The following RARB variants were observed in gnomAD, a reference collection of about 807,000 sequenced individuals.
The protein encoded by RARB is HBV-activated protein.
Under a neutral mutation model 51.9 loss-of-function variants are expected in RARB, and 17 were observed. The observed-to-expected ratio is 0.33, with a 90% CI of 0.22 to 0.49. RARB has a LOEUF of 0.49. Ranked by LOEUF, RARB falls within the 20% of genes least tolerant of loss-of-function variation. The pLI, the probability that RARB is intolerant of heterozygous loss-of-function variation, is 0.99. For missense variants in RARB, 369 were observed against 550.8 expected (o/e 0.67, Z 3.30); for synonymous variants, 215 against 195.4 (o/e 1.10, Z -0.84).
chr3:25,462,722 C>A (rs149100412), intron 2 of RARB, among the ~76,000 whole-genome samples: 4 of 152,330 alleles, frequency 2.6e-5, no homozygotes, highest in African/African-American at 7.2e-5. Context: ...CACCATGTAT[C>A]TCTGGGCAGT....
At position 25,126,901 on chromosome 3, in the gene RARB, C is replaced by T. The variant is rs551136879; in HGVS notation, c.-327-5260C>T. The stretch of plus-strand genomic sequence containing the variant: ...AGGCAAGGTAAAACCTTTAGTCATC[C>T]TTGATATTCCCTCTCCTTCACACAC... On this transcript the variant is annotated intron_variant, in intron 3 of 11. Coordinates refer to the RARB transcript ENST00000383772. Among the ~76,000 whole-genome samples the T allele has an allele frequency of 3.3e-5, 5 of 152,216 alleles. 1 individual carries two copies. Among genetic ancestry groups the T allele is most frequent in the African/African-American group, 1.2e-4 (5 of 41,562 alleles).
intron 3 of RARB, among the ~76,000 whole-genome samples, chr3:25,507,498 C>T (rs1200755513): frequency 6.6e-6 from 1 of 152,136 alleles, no homozygotes; most frequent in African/African-American, 2.4e-5. Flanking sequence ...TGCTTTTAAT[C>T]CTGTTTAGAC....
At chr3:24,851,427 CAAAA>C (rs1286953428) in intron 1 of RARB, among the ~76,000 whole-genome samples, 3 of 72,492 alleles carry the variant, frequency 4.1e-5, no homozygotes, top group Admixed American at 1.4e-4. Flanking sequence ...GACTTTGTCT[CAAAA>C]AAAAAAAAAA....
intron 2 of RARB, among the ~76,000 whole-genome samples, chr3:25,041,413 G>T (rs949641): frequency 0.088 from 13,431 of 152,000 alleles, 652 homozygotes; most frequent in African/African-American, 0.11. Context: ...AACAAGGTCT[G>T]TAGATCTGAC....
intron 3 of RARB, among the ~76,000 whole-genome samples, chr3:25,521,260 A>G (rs1698389811): frequency 1.3e-5 from 2 of 152,152 alleles, no homozygotes; most frequent in South Asian, 4.1e-4. Flanking sequence ...TCCCCGGCCT[A>G]CTTAGCTTTC....
At chr3:24,972,135 C>T (rs1220671745) in intron 2 of RARB, among the ~76,000 whole-genome samples, 1 of 151,984 alleles carries the variant, frequency 6.6e-6, no homozygotes, top group Non-Finnish European at 1.5e-5. Context: ...AACCTCTCTT[C>T]AGCCTACCTT....
chr3:24,902,481 T>C (rs1703628479), intron 2 of RARB, among the ~76,000 whole-genome samples: 2 of 152,126 alleles, frequency 1.3e-5, no homozygotes, highest in African/African-American at 4.8e-5. Flanking sequence ...TTATTGGCAG[T>C]GCTTTAAGGT....
chr3:24,923,909 G>C (rs1370304132), intron 2 of RARB, among the ~76,000 whole-genome samples: 3 of 152,092 alleles, frequency 2.0e-5, no homozygotes, highest in African/African-American at 7.2e-5. Context: ...GGTTTCTATG[G>C]TTGTAGATTC....
chr3:25,456,706 G>GAC (rs1694937028), intron 1 of RARB, among the ~76,000 whole-genome samples: 1 of 148,152 alleles, frequency 6.7e-6, no homozygotes, highest in Non-Finnish European at 1.5e-5. Context: ...GAGAGAGAGA[G>GAC]AGAGAGAGAG....
intron 2 of RARB, among the ~76,000 whole-genome samples, chr3:24,907,231 A>G (rs1694887091): frequency 6.6e-6 from 1 of 152,178 alleles, no homozygotes; most frequent in Admixed American, 6.5e-5. Context: ...TAGCATCAGA[A>G]TCACTTAGAG....
At chr3:25,271,150 C>A (rs1330261496) in intron 5 of RARB, among the ~76,000 whole-genome samples, 1 of 152,184 alleles carries the variant, frequency 6.6e-6, no homozygotes, top group Non-Finnish European at 1.5e-5. Flanking sequence ...ATTACACCAA[C>A]CAATTACGAT....
At chr3:25,001,620 T>C (rs929449261) in intron 2 of RARB, among the ~76,000 whole-genome samples, 2 of 152,178 alleles carry the variant, frequency 1.3e-5, no homozygotes, top group African/African-American at 4.8e-5. Context: ...ACTTGCATTC[T>C]AACATGCTCC....
intron 3 of RARB, among the ~76,000 whole-genome samples, chr3:25,502,821 A>G (rs966192083): frequency 2.6e-5 from 4 of 152,222 alleles, no homozygotes; most frequent in Non-Finnish European, 5.9e-5. Flanking sequence ...AGGACAAAGC[A>G]TGCACTGTAG....
At chr3:24,897,235 T>C (rs914113798) in intron 2 of RARB, among the ~76,000 whole-genome samples, 1 of 152,152 alleles carries the variant, frequency 6.6e-6, no homozygotes, top group African/African-American at 2.4e-5. Context: ...TTTAACTCAA[T>C]TAAATGTGAC....
chr3:25,410,377 T>C (rs1707527519), intron 5 of RARB, among the ~76,000 whole-genome samples: 1 of 152,224 alleles, frequency 6.6e-6, no homozygotes, highest in South Asian at 2.1e-4. Context: ...AGGAACATAT[T>C]GCCGTGTCCT....
chr3:25,399,628 C>T (rs1707211457), intron 5 of RARB, among the ~76,000 whole-genome samples: 1 of 152,220 alleles, frequency 6.6e-6, no homozygotes, highest in Non-Finnish European at 1.5e-5. Flanking sequence ...GAGTCCTGAA[C>T]TTCCTAACTT....
intron 5 of RARB, among the ~76,000 whole-genome samples, chr3:25,587,794 C>T (rs1701455198): frequency 6.6e-6 from 1 of 152,194 alleles, no homozygotes; most frequent in African/African-American, 2.4e-5. Context: ...GATAAATTGT[C>T]GAATCAGATC....
At chr3:25,246,751 C>T (rs1702571096) in intron 5 of RARB, among the ~76,000 whole-genome samples, 1 of 152,144 alleles carries the variant, frequency 6.6e-6, no homozygotes, top group Non-Finnish European at 1.5e-5. Flanking sequence ...TAAGAGGTGT[C>T]TGTTGAACCC....
intron 1 of RARB, among the ~76,000 whole-genome samples, chr3:25,458,033 C>T (rs560144083): frequency 4.6e-5 from 7 of 151,590 alleles, no homozygotes; most frequent in South Asian, 2.1e-4. Context: ...GGGTCACTTA[C>T]GTTGATATCA....
Sources: allele counts gnomAD v4.1 joint callset (sites outside exome capture counted in the v4.1 genomes callset), GRCh38; gene constraint gnomAD v4.1.1; transcripts MANE v1.5; gene names NCBI Gene and HGNC (gene_info 2026-07-23, HGNC 2026-07-21).